The following GOLM2 variants were observed in gnomAD, a reference collection of about 807,000 sequenced individuals.
GOLM2 encodes golgi membrane protein 2.
A neutral mutation model predicts 55.9 loss-of-function variants in GOLM2; 26 were observed. The observed-to-expected ratio is 0.47, with a 90% CI of 0.34 to 0.65. The LOEUF is 0.65. Among genes scored for constraint, GOLM2 ranks in the 30% least tolerant of loss-of-function variants. The pLI is 0.01. For missense variants in GOLM2, 486 were observed against 531.8 expected (o/e 0.91, Z 0.85); for synonymous variants, 165 against 194.6 (o/e 0.85, Z 1.27).
chr15:44,375,324 T>A (rs1219934463), intron 6 of GOLM2, among the ~76,000 whole-genome samples: 1 of 151,994 alleles, frequency 6.6e-6, no homozygotes, highest in South Asian at 2.1e-4. Context: ...TGACCGAGAG[T>A]TGCTTTGATA....
At chr15:44,408,079 T>G (rs1742779855) in intron 9 of GOLM2, among the ~76,000 whole-genome samples, 1 of 152,184 alleles carries the variant, frequency 6.6e-6, no homozygotes, top group African/African-American at 2.4e-5. Context: ...GGAGGTGGCC[T>G]TTCTTGACTT....
At chr15:44,360,363 C>G (rs2079228991) in intron 6 of GOLM2, among the ~76,000 whole-genome samples, 1 of 152,026 alleles carries the variant, frequency 6.6e-6, no homozygotes, top group Non-Finnish European at 1.5e-5. Context: ...GAAAGATCTA[C>G]CAAGCAAATG....
intron 8 of GOLM2, among the ~76,000 whole-genome samples, chr15:44,381,905 A>G (rs1326079470): frequency 6.6e-6 from 1 of 152,100 alleles, no homozygotes; most frequent in Non-Finnish European, 1.5e-5. Flanking sequence ...CTCCCGCCTT[A>G]GCCTCACAAA....
chr15:44,369,846 AAGAT>A (rs974277003), intron 6 of GOLM2, among the ~76,000 whole-genome samples: 19 of 152,230 alleles, frequency 1.2e-4, no homozygotes, highest in Admixed American at 1.2e-3. Flanking sequence ...AGGATAAAAA[AAGAT>A]AGAATTTTAA....
At chr15:44,355,956 A>G (rs1370073069) in intron 6 of GOLM2, among the ~76,000 whole-genome samples, 1 of 152,226 alleles carries the variant, frequency 6.6e-6, no homozygotes, top group East Asian at 1.9e-4. Context: ...ATATGTGGAG[A>G]TTAAACAACT....
At chr15:44,383,675 C>CTTTTTTTTTTTTTTTT (rs761209421) in intron 8 of GOLM2, among the ~76,000 whole-genome samples, 4 of 125,900 alleles carry the variant, frequency 3.2e-5, no homozygotes, top group African/African-American at 9.1e-5. Context: ...TTCTTTTTTT[C>CTTTTTTTTTTTTTTTT]TTTTTTTTTT....
chr15:44,407,515 A>C (rs1467438576), intron 9 of GOLM2, among the ~76,000 whole-genome samples: 3 of 151,620 alleles, frequency 2.0e-5, no homozygotes, highest in Non-Finnish European at 4.4e-5. Context: ...GACTCAAGCA[A>C]TCAGGCCACC....
In GOLM2 at chr15:44,337,902, G is replaced by A. The variant is rs747355988; in HGVS notation, c.716G>A (p.Gly239Glu). 6.3e-6 allele frequency: 10 copies of A among 1,588,886 alleles called. No homozygotes were observed. The highest frequency in any genetic ancestry group is 7.7e-6 in the Non-Finnish European group (9 of 1,173,676). ...CCCTCAAGCAATCATATTCCACATGGGAAAGGTATTATTGTTATTATTCTT... is the reference window on the plus strand; with the variant it reads ...CCCTCAAGCAATCATATTCCACATGAGAAAGGTATTATTGTTATTATTCTT... ...EEPSSNHIPH[G>E]KEQIKRGGDA... The change falls in exon 5 of 10, where the codon GGG becomes GAG. Residue 239 changes from glycine (G) to glutamate (E), a missense_variant. Coordinates refer to ENST00000299957, the MANE Select transcript of GOLM2 (RefSeq NM_138423.4).
chr15:44,335,713 TTACC>T (rs1390897534), intron 4 of GOLM2, among the ~76,000 whole-genome samples: 10 of 152,170 alleles, frequency 6.6e-5, no homozygotes, highest in African/African-American at 2.4e-4. Flanking sequence ...TGATTATAGC[TTACC>T]AACTTACAGG....
intron 1 of GOLM2, among the ~76,000 whole-genome samples, chr15:44,313,589 G>C (rs1470039384): frequency 6.6e-6 from 1 of 152,098 alleles, no homozygotes; most frequent in Non-Finnish European, 1.5e-5. Context: ...CCTTTATCCA[G>C]ACTTCTCTCT....
chr15:44,378,354 CTTT>C (rs372043503), intron 6 of GOLM2, among the ~76,000 whole-genome samples: 5 of 125,492 alleles, frequency 4.0e-5, no homozygotes, highest in Admixed American at 8.3e-5. Context: ...CGCGCCAGGA[CTTT>C]TTTTTTTTTT....
At chr15:44,399,482 C>A (rs2063011938) in intron 8 of GOLM2, among the ~76,000 whole-genome samples, 1 of 152,062 alleles carries the variant, frequency 6.6e-6, no homozygotes, top group Admixed American at 6.6e-5. Context: ...ATCTGAGTAT[C>A]TATGTAATTA....
intron 1 of GOLM2, among the ~76,000 whole-genome samples, chr15:44,319,096 T>C (rs1183065042): frequency 6.6e-6 from 1 of 152,250 alleles, no homozygotes; most frequent in Non-Finnish European, 1.5e-5. Flanking sequence ...CCATCATGTC[T>C]GTAGAACCGA....
At chr15:44,378,111 T>C (rs185982852) in intron 6 of GOLM2, among the ~76,000 whole-genome samples, 7,375 of 151,278 alleles carry the variant, frequency 0.049, 295 homozygotes, top group East Asian at 0.19. Context: ...TGCAGTGGTG[T>C]GACCTCGGCT....
intron 1 of GOLM2, among the ~76,000 whole-genome samples, chr15:44,299,223 A>C (rs1196225830): frequency 1.3e-5 from 2 of 152,142 alleles, no homozygotes; most frequent in African/African-American, 4.8e-5. Flanking sequence ...GCACTTTGTT[A>C]TATCAGCCTA....
chr15:44,327,337 T>A (rs1041200659), intron 2 of GOLM2, among the ~76,000 whole-genome samples: 4 of 151,650 alleles, frequency 2.6e-5, no homozygotes, highest in African/African-American at 9.7e-5. Flanking sequence ...GAAGGATCGC[T>A]TGAGCTCAGG....
chr15:44,373,823 G>A (rs1010845574), intron 6 of GOLM2, among the ~76,000 whole-genome samples: 1 of 151,970 alleles, frequency 6.6e-6, no homozygotes, highest in African/African-American at 2.4e-5. Flanking sequence ...CCAATTGGCT[G>A]GGTGCGATGG....
chr15:44,379,403 G>A (rs1039831998), intron 6 of GOLM2, among the ~76,000 whole-genome samples: 1 of 152,148 alleles, frequency 6.6e-6, no homozygotes, highest in Middle Eastern at 3.4e-3. Flanking sequence ...GCTGGAACGC[G>A]GGAGGCAGAG....
chr15:44,334,664 G>A (rs1277134161), intron 4 of GOLM2, among the ~76,000 whole-genome samples: 1 of 152,220 alleles, frequency 6.6e-6, no homozygotes, highest in Non-Finnish European at 1.5e-5. Flanking sequence ...ATGCTTATTT[G>A]TTTACTGCGT....
Sources: allele counts gnomAD v4.1 joint callset (sites outside exome capture counted in the v4.1 genomes callset), GRCh38; gene constraint gnomAD v4.1.1; transcripts MANE v1.5; gene names NCBI Gene and HGNC (gene_info 2026-07-23, HGNC 2026-07-21).